LRFN5: variants seen among roughly 807,000 people sequenced by gnomAD.
The protein encoded by LRFN5 is leucine-rich repeat and fibronectin type-III domain-containing protein 5.
In LRFN5, 24 loss-of-function variants were observed where a neutral mutation model predicts 45.6. The observed-to-expected ratio is 0.53, with a 90% CI of 0.38 to 0.74. LRFN5 has a LOEUF of 0.74. Among genes scored for constraint, LRFN5 ranks in the 30% least tolerant of loss-of-function variants. LRFN5 has a pLI of 0.00. For missense variants in LRFN5, 776 were observed against 861.5 expected, an observed-to-expected ratio of 0.90 and a Z score of 1.24; for synonymous variants, 340 against 313.8, an observed-to-expected ratio of 1.08 and a Z score of -0.88.
intron 1 of LRFN5, among the ~76,000 whole-genome samples, chr14:41,755,772 G>T (rs1315837041): frequency 6.6e-6 from 1 of 152,098 alleles, no homozygotes; most frequent in Non-Finnish European, 1.5e-5. Context: ...TACCTTTAAG[G>T]TTAATATTGT....
intron 1 of LRFN5, among the ~76,000 whole-genome samples, chr14:41,758,357 C>A (rs149795782): frequency 6.6e-6 from 1 of 152,192 alleles, no homozygotes; most frequent in Non-Finnish European, 1.5e-5. Flanking sequence ...ATCATAGAGA[C>A]AATTAATCCC....
chr14:41,681,436 A>G (rs1279775668), intron 1 of LRFN5, among the ~76,000 whole-genome samples: 1 of 152,198 alleles, frequency 6.6e-6, no homozygotes, highest in Non-Finnish European at 1.5e-5. Flanking sequence ...CTCAGTGGAT[A>G]CCTTATAGGC....
At position 41,904,330 on chromosome 14, in the gene LRFN5, G is replaced by A. The variant is rs574569220; in HGVS notation, c.*155G>A. 5.0e-5 allele frequency: 44 copies of A among 879,214 alleles called. No homozygotes were observed. Among genetic ancestry groups the A allele is most frequent in the African/African-American group, 2.0e-4 (12 of 59,028 alleles). 54.5% of individuals were successfully genotyped at this position (879,214 alleles called of 1,614,324 possible). On this transcript the variant is annotated 3_prime_UTR_variant, in exon 6 of 6. Coordinates refer to ENST00000298119, the MANE Select transcript of LRFN5 (RefSeq NM_152447.5). ...AGCCAAGGTGAAAGTCTCTGATGAC[G>A]GCGGAACTGGCTCCATTAGACCATG...
chr14:41,675,068 C>T (rs1881549123), intron 1 of LRFN5, among the ~76,000 whole-genome samples: 1 of 152,076 alleles, frequency 6.6e-6, no homozygotes, highest in African/African-American at 2.4e-5. Flanking sequence ...AGGCGCTCCT[C>T]ACTTCCTAGA....
chr14:41,799,467 C>T (rs529547388), intron 2 of LRFN5, among the ~76,000 whole-genome samples: 1 of 152,040 alleles, frequency 6.6e-6, no homozygotes, highest in African/African-American at 2.4e-5. Flanking sequence ...TTCCCTCATG[C>T]TTAGTATTTC....
chr14:41,838,993 T>C (rs1888762758), intron 2 of LRFN5, among the ~76,000 whole-genome samples: 1 of 152,148 alleles, frequency 6.6e-6, no homozygotes. Context: ...GAATGTCTTT[T>C]TGTTGTTGCT....
At chr14:41,676,731 C>A (rs556072757) in intron 1 of LRFN5, among the ~76,000 whole-genome samples, 105 of 152,278 alleles carry the variant, frequency 6.9e-4, no homozygotes, top group African/African-American at 2.4e-3. Context: ...GGCAAAAAGT[C>A]TTCCTGACTC....
intron 1 of LRFN5, among the ~76,000 whole-genome samples, chr14:41,727,498 C>T (rs1431774731): frequency 1.3e-5 from 2 of 151,988 alleles, no homozygotes; most frequent in Admixed American, 6.6e-5. Flanking sequence ...TGGTGGCACA[C>T]TTGTGTAGTT....
chr14:41,736,220 C>A (rs909739806), intron 1 of LRFN5, among the ~76,000 whole-genome samples: 10 of 152,260 alleles, frequency 6.6e-5, no homozygotes, highest in Admixed American at 1.3e-4. Flanking sequence ...ACACTCCCAC[C>A]AACAGTGTAA....
chr14:41,892,879 T>C, intron 4 of LRFN5: 7 of 985,230 alleles, frequency 7.1e-6, no homozygotes, highest in Non-Finnish European at 8.4e-6. Flanking sequence ...ATTCATTTAA[T>C]ACACATTTTT....
At chr14:41,857,973 A>G (rs957718699) in intron 2 of LRFN5, among the ~76,000 whole-genome samples, 8 of 152,226 alleles carry the variant, frequency 5.3e-5, no homozygotes, top group Non-Finnish European at 1.2e-4. Context: ...TAGAGTTCCA[A>G]CAGGGAATGT....
At chr14:41,854,183 G>A (rs1707277287) in intron 2 of LRFN5, among the ~76,000 whole-genome samples, 1 of 152,110 alleles carries the variant, frequency 6.6e-6, no homozygotes, top group Non-Finnish European at 1.5e-5. Context: ...TGTTCTCATT[G>A]TTCAATTCCC....
chr14:41,880,792 G>T (rs757367985), intron 2 of LRFN5, among the ~76,000 whole-genome samples: 2 of 152,080 alleles, frequency 1.3e-5, no homozygotes, highest in Admixed American at 1.3e-4. Flanking sequence ...GTCATTTCAT[G>T]TGTTTTGAAG....
At chr14:41,836,739 T>C (rs1409832026) in intron 2 of LRFN5, among the ~76,000 whole-genome samples, 1 of 152,168 alleles carries the variant, frequency 6.6e-6, no homozygotes. Flanking sequence ...AGTATGAGTG[T>C]ATGACTGCAC....
intron 1 of LRFN5, among the ~76,000 whole-genome samples, chr14:41,639,206 T>C (rs1165602099): frequency 6.6e-6 from 1 of 152,120 alleles, no homozygotes; most frequent in Non-Finnish European, 1.5e-5. Flanking sequence ...ATTGTGTTTC[T>C]CTTTTTGGCC....
At chr14:41,884,405 G>A (rs1890492630) in intron 2 of LRFN5, among the ~76,000 whole-genome samples, 1 of 152,056 alleles carries the variant, frequency 6.6e-6, no homozygotes, top group South Asian at 2.1e-4. Flanking sequence ...TTATTAACTA[G>A]ATCAACATTT....
chr14:41,638,234 T>C (rs980692856), intron 1 of LRFN5, among the ~76,000 whole-genome samples: 2 of 151,982 alleles, frequency 1.3e-5, no homozygotes, highest in Non-Finnish European at 2.9e-5. Context: ...AATGTCAATA[T>C]ATTTTCATGT....
At chr14:41,833,160 A>G (rs556031383) in intron 2 of LRFN5, among the ~76,000 whole-genome samples, 81 of 152,300 alleles carry the variant, frequency 5.3e-4, no homozygotes, top group Non-Finnish European at 8.8e-4. Context: ...TTATCCTGAT[A>G]AGCTCAATCA....
chr14:41,846,176 T>C (rs1331322712), intron 2 of LRFN5, among the ~76,000 whole-genome samples: 1 of 151,070 alleles, frequency 6.6e-6, no homozygotes, highest in Non-Finnish European at 1.5e-5. Context: ...TGGAGAACTA[T>C]TTCCAGAATT....
Sources: gnomAD v4.1 joint callset for allele counts (sites outside exome capture counted in the v4.1 genomes callset) on GRCh38, gnomAD v4.1.1 for gene constraint, MANE v1.5 for transcripts, NCBI Gene and HGNC (gene_info 2026-07-23, HGNC 2026-07-21) for gene names.